PTPRT: variants seen among roughly 807,000 people sequenced by gnomAD.
PTPRT encodes receptor-type tyrosine-protein phosphatase T.
Under a neutral mutation model 176.8 loss-of-function variants are expected in PTPRT, and 56 were observed. The observed-to-expected ratio is 0.32, with a 90% CI of 0.26 to 0.40. PTPRT has a LOEUF of 0.40. PTPRT is among the 10% of genes least tolerant of loss of function. PTPRT has a pLI of 1.00. For missense variants in PTPRT, 1,540 were observed against 1,908.2 expected, an observed-to-expected ratio of 0.81 and a Z score of 3.60; for synonymous variants, 783 against 739.0, an observed-to-expected ratio of 1.06 and a Z score of -0.96.
At chr20:42,248,434 C>A (rs41503948) in intron 14 of PTPRT, among the ~76,000 whole-genome samples, 1 of 152,176 alleles carries the variant, frequency 6.6e-6, no homozygotes, top group South Asian at 2.1e-4. Flanking sequence ...CATGGCACAT[C>A]GCGGTGGCCC....
chr20:43,046,539 G>A (rs1205800426), intron 1 of PTPRT, among the ~76,000 whole-genome samples: 1 of 122,654 alleles, frequency 8.2e-6, no homozygotes, highest in Non-Finnish European at 1.6e-5. Context: ...GCGAGTCTCT[G>A]TCTCAAAAAA....
rs796685179 is a variant in PTPRT, at chr20:42,430,439, C to T, written c.1560+17781G>A. On this transcript the variant is annotated intron_variant, in intron 9 of 30. Transcript: ENST00000373187. Reference sequence around the variant, plus strand: ...ACCTGGGGTGGGGACAGAGATAGCACTTTCCTAAAAAGCTCCCAGGGGATG... The same window carrying T: ...ACCTGGGGTGGGGACAGAGATAGCATTTTCCTAAAAAGCTCCCAGGGGATG... Among the ~76,000 whole-genome samples, 18 of 152,288 alleles carry T rather than the reference C, an allele frequency of 1.2e-4. 1 individual carries two copies. Among genetic ancestry groups the T allele is most frequent in the African/African-American group, 4.3e-4 (18 of 41,546 alleles).
At chr20:42,526,673 T>G (rs2072272879) in intron 7 of PTPRT, among the ~76,000 whole-genome samples, 1 of 152,100 alleles carries the variant, frequency 6.6e-6, no homozygotes, top group Non-Finnish European at 1.5e-5. Flanking sequence ...TATTATAAGT[T>G]TTTGTGTAGA....
intron 4 of PTPRT, among the ~76,000 whole-genome samples, chr20:42,777,406 C>T (rs1257133584): frequency 6.6e-6 from 1 of 152,174 alleles, no homozygotes; most frequent in African/African-American, 2.4e-5. Flanking sequence ...AGACTGTGAA[C>T]TCCCTCCTGT....
intron 9 of PTPRT, among the ~76,000 whole-genome samples, chr20:42,384,159 C>A (rs1439677852): frequency 6.6e-6 from 1 of 152,190 alleles, no homozygotes; most frequent in Non-Finnish European, 1.5e-5. Context: ...ATGGACCATG[C>A]ACTAGTACAG....
At chr20:42,288,042 A>T (rs1407985564) in intron 12 of PTPRT, among the ~76,000 whole-genome samples, 10 of 152,120 alleles carry the variant, frequency 6.6e-5, no homozygotes, top group Non-Finnish European at 1.2e-4. Flanking sequence ...TTAAGCATTT[A>T]AAAAATACAT....
intron 2 of PTPRT, among the ~76,000 whole-genome samples, chr20:42,793,574 CTT>C (rs1438273967): frequency 6.6e-6 from 1 of 152,204 alleles, no homozygotes; most frequent in Non-Finnish European, 1.5e-5. Flanking sequence ...GTGCGGGTGT[CTT>C]TGCCTGGTGT....
chr20:42,440,766 C>T (rs1044555925), intron 9 of PTPRT, among the ~76,000 whole-genome samples: 3 of 152,196 alleles, frequency 2.0e-5, no homozygotes, highest in African/African-American at 4.8e-5. Context: ...CGTGAGCCAC[C>T]ATGCCCGGCC....
At chr20:42,741,230 T>C (rs935929931) in intron 6 of PTPRT, among the ~76,000 whole-genome samples, 2 of 152,206 alleles carry the variant, frequency 1.3e-5, no homozygotes, top group Admixed American at 6.5e-5. Flanking sequence ...TCTGTTGGCA[T>C]CATGGTTGAT....
At chr20:42,086,739 A>ATATATATAT (rs1555858277) in intron 27 of PTPRT, among the ~76,000 whole-genome samples, 1 of 65,396 alleles carries the variant, frequency 1.5e-5, no homozygotes, top group African/African-American at 7.4e-5. Context: ...AAAAAAAAAA[A>ATATATATAT]AAAAAAAAAA....
At chr20:42,364,232 T>A (rs918871107) in intron 9 of PTPRT, among the ~76,000 whole-genome samples, 8 of 152,182 alleles carry the variant, frequency 5.3e-5, no homozygotes, top group Non-Finnish European at 1.0e-4. Flanking sequence ...GATCACGTAA[T>A]CACACATTCT....
At chr20:42,269,442 A>G (rs2056893528) in intron 13 of PTPRT, among the ~76,000 whole-genome samples, 1 of 152,196 alleles carries the variant, frequency 6.6e-6, no homozygotes, top group Non-Finnish European at 1.5e-5. Flanking sequence ...GGTGACAGTT[A>G]AAGGTTTGAA....
At chr20:42,525,978 T>C (rs529970490) in intron 7 of PTPRT, among the ~76,000 whole-genome samples, 2 of 152,312 alleles carry the variant, frequency 1.3e-5, no homozygotes, top group East Asian at 3.9e-4. Flanking sequence ...GATATTATTC[T>C]ACTGTCATTT....
chr20:43,059,496 GA>G (rs1346550841), intron 1 of PTPRT, among the ~76,000 whole-genome samples: 1 of 152,180 alleles, frequency 6.6e-6, no homozygotes, highest in African/African-American at 2.4e-5. Flanking sequence ...CGCTTGATAA[GA>G]GATTGTCTTT....
chr20:42,614,425 A>G (rs2074029292), intron 7 of PTPRT, among the ~76,000 whole-genome samples: 1 of 152,140 alleles, frequency 6.6e-6, no homozygotes, highest in Non-Finnish European at 1.5e-5. Flanking sequence ...ATCCAACCAC[A>G]ACTTTCTTTG....
chr20:42,180,846 C>T (rs6030030), intron 16 of PTPRT, among the ~76,000 whole-genome samples: 147,758 of 152,282 alleles, frequency 0.97, 71,913 homozygotes, highest in African/African-American at 0.99. Context: ...TCTCACTATT[C>T]GGGAGGGAGT....
intron 5 of PTPRT, among the ~76,000 whole-genome samples, chr20:42,770,890 T>C (rs2077052704): frequency 6.6e-6 from 1 of 152,164 alleles, no homozygotes; most frequent in Admixed American, 6.5e-5. Flanking sequence ...TATAAAATGG[T>C]TATACCAATG....
intron 27 of PTPRT, among the ~76,000 whole-genome samples, chr20:42,086,905 G>C (rs1984021431): frequency 1.3e-5 from 2 of 150,428 alleles, no homozygotes; most frequent in Non-Finnish European, 3.0e-5. Flanking sequence ...GTCACATGGT[G>C]CTGACAGATC....
intron 7 of PTPRT, among the ~76,000 whole-genome samples, chr20:42,657,772 A>C (rs1255942325): frequency 6.6e-6 from 1 of 152,156 alleles, no homozygotes; most frequent in Non-Finnish European, 1.5e-5. Context: ...CTCAAGGAAA[A>C]AAAGCTAGTT....
Sources: gnomAD v4.1 joint callset for allele counts (sites outside exome capture counted in the v4.1 genomes callset) on GRCh38, gnomAD v4.1.1 for gene constraint, MANE v1.5 for transcripts, NCBI Gene and HGNC (gene_info 2026-07-23, HGNC 2026-07-21) for gene names.